The following ADORA2B variants were observed in gnomAD, a reference collection of about 807,000 sequenced individuals.
ADORA2B encodes adenosine receptor A2b.
ADORA2B carries 18 observed loss-of-function variants against 20.8 expected under a neutral mutation model. The observed-to-expected ratio is 0.87, with a 90% CI of 0.60 to 1.29. The LOEUF is 1.29. Among genes scored for constraint, ADORA2B ranks in the 50% most tolerant of loss-of-function variants. ADORA2B has a pLI of 0.00. For synonymous variants in ADORA2B, 179 were observed against 178.3 expected, an observed-to-expected ratio of 1.00 and a Z score of -0.03; for missense variants, 441 against 422.7, an observed-to-expected ratio of 1.04 and a Z score of -0.38.
Position 15,974,677 on chromosome 17 carries a change from AG to A in ADORA2B, c.336del, listed in dbSNP as rs1325462786. 1.2e-6 allele frequency: 2 copies of A among 1,609,710 alleles called. No homozygotes were observed. Among genetic ancestry groups the A allele is most frequent in the Admixed American group, 3.4e-5 (2 of 59,674 alleles). On this transcript the variant is annotated splice_acceptor_variant, in intron 1 of 1. Transcript: ENST00000304222. LOFTEE classifies it high-confidence loss of function. The stretch of plus-strand genomic sequence containing the variant: ...CGTAACAGATGGTATTCTTTTAAAC[AG>A]GTATAAAAGTTTGGTCACGGGGACC...
the ADORA2B span, among the ~76,000 whole-genome samples, chr17:15,870,039 CAT>C: frequency 9.9e-5 from 15 of 150,872 alleles, no homozygotes; most frequent in African/African-American, 2.7e-4. Flanking sequence ...CAGCCCACCA[CAT>C]GTTTTTGTAA....
intron 1 of ADORA2B, chr17:15,974,439 CTG>C: frequency 2.1e-6 from 1 of 466,238 alleles, no homozygotes; most frequent in Non-Finnish European, 3.8e-6. Flanking sequence ...ATTGGCCATC[CTG>C]TGTCACTAAA....
In ADORA2B at chr17:15,945,469, A is replaced by C. The variant is rs773844502; in HGVS notation, c.221A>C (p.Asp74Ala). The change falls in exon 1 of 2, where the codon GAC (aspartate) becomes GCC (alanine). Residue 74 changes from aspartate (D) to alanine (A), a missense_variant. Asp to Ala is a moderately radical substitution (Grantham distance 126). Coordinates refer to ENST00000304222, the MANE Select transcript of ADORA2B (RefSeq NM_000676.4). ...AITISLGFCT[D>A]FYGCLFLACF... ...ACCATCAGCCTGGGCTTCTGCACTG[A>C]CTTCTACGGCTGCCTCTTCCTCGCC... 1 of 1,613,124 alleles carries C rather than the reference A, an allele frequency of 6.2e-7. No individual in the cohort carries two copies. The highest frequency in any genetic ancestry group is 8.5e-7 in the Non-Finnish European group (1 of 1,179,854).
rs199872870 is a variant in ADORA2B, at chr17:15,975,317, A to G, written c.974A>G (p.Gln325Arg). Residue 325 changes from glutamine to arginine, a missense_variant, in exon 2 of 2, where the codon CAG becomes CGG. Gln to Arg is a conservative substitution (Grantham distance 43). Transcript: ENST00000304222. ...VKSGNGQAGVQPALGVGL is the reference protein window; with the variant it reads ...VKSGNGQAGVRPALGVGL ...AGTGGGAATGGTCAGGCTGGGGTACAGCCTGCTCTCGGTGTGGGCCTATGA... is the reference window on the plus strand; with the variant it reads ...AGTGGGAATGGTCAGGCTGGGGTACGGCCTGCTCTCGGTGTGGGCCTATGA... The G allele has an allele frequency of 6.0e-5, 97 of 1,612,272 alleles. 1 individual carries two copies. The highest frequency in any genetic ancestry group is 2.8e-4 in the Admixed American group (17 of 59,982).
At chr17:15,874,886 A>G in the ADORA2B span, among the ~76,000 whole-genome samples, 1 of 152,182 alleles carries the variant, frequency 6.6e-6, no homozygotes, top group Non-Finnish European at 1.5e-5. Flanking sequence ...TATTTAGTTT[A>G]CGCTTCTCTA....
At chr17:15,917,385 C>A in the ADORA2B span, among the ~76,000 whole-genome samples, 6,429 of 152,306 alleles carry the variant, frequency 0.042, 446 homozygotes, top group African/African-American at 0.15. Flanking sequence ...TCGAGGGGCA[C>A]GTTCCCTCAG....
At chr17:15,862,206 C>CT in the ADORA2B span, among the ~76,000 whole-genome samples, 2 of 121,286 alleles carry the variant, frequency 1.6e-5, no homozygotes, top group South Asian at 2.8e-4. Flanking sequence ...CTTTTCTTTT[C>CT]TTTTCTTTTT....
intron 1 of ADORA2B, among the ~76,000 whole-genome samples, chr17:15,945,873 C>T (rs769414671): frequency 1.3e-5 from 2 of 151,934 alleles, no homozygotes; most frequent in Non-Finnish European, 2.9e-5. Context: ...CGTGGAAACC[C>T]CGGGGAAAGC....
At chr17:15,971,629 A>ATTTTTT (rs34445090) in intron 1 of ADORA2B, among the ~76,000 whole-genome samples, 2 of 127,934 alleles carry the variant, frequency 1.6e-5, no homozygotes, top group Non-Finnish European at 3.2e-5. Context: ...TGTAATGGCC[A>ATTTTTT]TTTTTTTTTT....
At chr17:15,910,799 C>T in the ADORA2B span, among the ~76,000 whole-genome samples, 197 of 152,300 alleles carry the variant, frequency 1.3e-3, 2 homozygotes, top group Middle Eastern at 3.4e-3. Flanking sequence ...GTCCCCTCCT[C>T]CAAGCCAGAC....
At chr17:15,915,394 A>G in the ADORA2B span, among the ~76,000 whole-genome samples, 85 of 152,356 alleles carry the variant, frequency 5.6e-4, 1 homozygote, top group East Asian at 0.011. Context: ...CCCTTCTGCC[A>G]TGTAAGCTAA....
intron 1 of ADORA2B, among the ~76,000 whole-genome samples, chr17:15,951,053 A>G (rs1969895228): frequency 6.6e-6 from 1 of 152,200 alleles, no homozygotes; most frequent in Non-Finnish European, 1.5e-5. Context: ...ACTGGGTGAA[A>G]AGGGCACATG....
the ADORA2B span, among the ~76,000 whole-genome samples, chr17:15,857,932 G>A: frequency 7.2e-6 from 1 of 139,342 alleles, no homozygotes; most frequent in East Asian, 2.0e-4. Flanking sequence ...TCCTTTTTAT[G>A]GGTGAATATC....
the ADORA2B span, among the ~76,000 whole-genome samples, chr17:15,924,593 A>T: frequency 6.6e-6 from 1 of 152,086 alleles, no homozygotes; most frequent in Non-Finnish European, 1.5e-5. Flanking sequence ...AAAAAAAATT[A>T]GTCTGGTGTG....
the ADORA2B span, among the ~76,000 whole-genome samples, chr17:15,879,342 A>T: frequency 3.9e-5 from 6 of 151,976 alleles, no homozygotes; most frequent in African/African-American, 1.5e-4. Flanking sequence ...AGTCTCAGGT[A>T]CTTGTGAGGC....
At chr17:15,886,245 G>A in the ADORA2B span, among the ~76,000 whole-genome samples, 4 of 71,936 alleles carry the variant, frequency 5.6e-5, 1 homozygote, top group Admixed American at 1.3e-4. Flanking sequence ...ATCTTGTAGT[G>A]GCTCGCCCTT....
At chr17:15,880,854 G>C in the ADORA2B span, among the ~76,000 whole-genome samples, 2 of 152,208 alleles carry the variant, frequency 1.3e-5, no homozygotes, top group East Asian at 3.9e-4. Flanking sequence ...GCTATTTAAA[G>C]GGATAACTGG....
In ADORA2B at chr17:15,961,228, A is replaced by G. The variant is rs538716760; in HGVS notation, c.336-13451A>G. Among the ~76,000 whole-genome samples the G allele has an allele frequency of 1.4e-4, 21 of 151,936 alleles. No individual in the cohort carries two copies. The South Asian group carries it at 4.4e-3, about 32-fold the overall frequency. On this transcript the variant is annotated intron_variant, in intron 1 of 1. Coordinates refer to ENST00000304222, the MANE Select transcript of ADORA2B (RefSeq NM_000676.4). ...TTTGCATCACCCTAATACAATAGTG[A>G]GTGTACCACTGCACTTCAGCCTGGG... is the stretch of plus-strand genomic sequence containing the variant.
At chr17:15,963,632 G>A (rs530505661) in intron 1 of ADORA2B, among the ~76,000 whole-genome samples, 13 of 152,242 alleles carry the variant, frequency 8.5e-5, no homozygotes, top group African/African-American at 2.9e-4. Context: ...CTGTCTCTGT[G>A]TCCCATGTGA....
Sources: gnomAD v4.1 joint callset for allele counts (sites outside exome capture counted in the v4.1 genomes callset) on GRCh38, gnomAD v4.1.1 for gene constraint, MANE v1.5 for transcripts, NCBI Gene and HGNC (gene_info 2026-07-23, HGNC 2026-07-21) for gene names.